The following LYPLAL1 variants were observed in gnomAD, a reference collection of about 807,000 sequenced individuals.
LYPLAL1 encodes the protein lysophospholipase like 1, also known as lysophospholipase-like protein 1.
In LYPLAL1, 23 loss-of-function variants were observed where a neutral mutation model predicts 19.7. The observed-to-expected ratio is 1.17, with a 90% confidence interval of 0.84 to 1.65. The LOEUF (loss-of-function observed/expected upper bound fraction) is 1.65. LYPLAL1 is among the 40% of genes most tolerant of loss of function. The pLI is 0.00. For synonymous variants in LYPLAL1, 119 were observed against 96.3 expected (o/e 1.24, Z -1.38); for missense variants, 355 against 279.4 (o/e 1.27, Z -1.93).
chr1:219,207,694 T>C (rs1658681410), intron 3 of LYPLAL1, among the ~76,000 whole-genome samples: 1 of 152,038 alleles, frequency 6.6e-6, no homozygotes, highest in Non-Finnish European at 1.5e-5. Context: ...AAGTTAAGTC[T>C]TTATGTCCCA....
the LYPLAL1 span, among the ~76,000 whole-genome samples, chr1:219,362,475 C>T: frequency 1.3e-5 from 2 of 152,036 alleles, no homozygotes; most frequent in East Asian, 1.9e-4. Flanking sequence ...AAGAACTCAA[C>T]GATTTCCAAG....
chr1:219,201,570 A>G (rs947044746), intron 3 of LYPLAL1, among the ~76,000 whole-genome samples: 19 of 151,842 alleles, frequency 1.3e-4, no homozygotes, highest in African/African-American at 4.3e-4. Flanking sequence ...TATTAATTTC[A>G]TATTATAATA....
chr1:219,405,590 A>T, the LYPLAL1 span, among the ~76,000 whole-genome samples: 1 of 152,328 alleles, frequency 6.6e-6, no homozygotes, highest in South Asian at 2.1e-4. Flanking sequence ...TAAAATTCTC[A>T]AAAAGTTTCC....
At chr1:219,445,408 TGGGG>T in the LYPLAL1 span, among the ~76,000 whole-genome samples, 1 of 55,694 alleles carries the variant, frequency 1.8e-5, no homozygotes, top group African/African-American at 7.7e-5. Flanking sequence ...TTATTCAAAT[TGGGG>T]GGGGGGCGGT....
At chr1:219,335,167 A>G in the LYPLAL1 span, among the ~76,000 whole-genome samples, 1 of 151,912 alleles carries the variant, frequency 6.6e-6, no homozygotes, top group Admixed American at 6.6e-5. Context: ...TAGGTCTCAT[A>G]TTTTGTTTTC....
chr1:219,366,502 G>A, the LYPLAL1 span, among the ~76,000 whole-genome samples: 1 of 152,298 alleles, frequency 6.6e-6, no homozygotes, highest in Non-Finnish European at 1.5e-5. Flanking sequence ...AACAGTTTCT[G>A]TTCCATCTGT....
the LYPLAL1 span, among the ~76,000 whole-genome samples, chr1:219,230,641 A>G: frequency 1.3e-5 from 2 of 152,244 alleles, no homozygotes; most frequent in Non-Finnish European, 2.9e-5. Flanking sequence ...ACAACCTCCT[A>G]TCCCCAAATA....
At chr1:219,395,238 C>T in the LYPLAL1 span, among the ~76,000 whole-genome samples, 2 of 152,212 alleles carry the variant, frequency 1.3e-5, no homozygotes, top group Non-Finnish European at 2.9e-5. Flanking sequence ...TACACTCTCA[C>T]TAACAGTCTA....
the LYPLAL1 span, among the ~76,000 whole-genome samples, chr1:219,353,960 A>G: frequency 4.6e-5 from 7 of 152,344 alleles, no homozygotes; most frequent in South Asian, 2.1e-4. Flanking sequence ...TGAAATAGAT[A>G]TTTGAAATTT....
At chr1:219,206,350 G>A (rs893612124) in intron 3 of LYPLAL1, among the ~76,000 whole-genome samples, 6 of 151,886 alleles carry the variant, frequency 4.0e-5, no homozygotes, top group South Asian at 2.1e-4. Flanking sequence ...TACTATTTTC[G>A]TATTTACTTA....
chr1:219,396,649 T>G, the LYPLAL1 span, among the ~76,000 whole-genome samples: 2 of 152,206 alleles, frequency 1.3e-5, no homozygotes, highest in African/African-American at 4.8e-5. Context: ...ATCTCCCTGG[T>G]TAACTGTATT....
At chr1:219,204,223 G>A (rs372462367) in intron 3 of LYPLAL1, among the ~76,000 whole-genome samples, 34 of 152,108 alleles carry the variant, frequency 2.2e-4, no homozygotes, top group African/African-American at 7.2e-4. Context: ...AGGGAAAACA[G>A]GCAATAGAAT....
chr1:219,289,000 T>TGG, the LYPLAL1 span, among the ~76,000 whole-genome samples: 1 of 151,914 alleles, frequency 6.6e-6, no homozygotes, highest in Admixed American at 6.6e-5. Context: ...TCTTAATACA[T>TGG]CTGGATGATA....
At chr1:219,274,615 ACCTCGTGATCCACACGCCTTGT>A in the LYPLAL1 span, among the ~76,000 whole-genome samples, 1 of 150,982 alleles carries the variant, frequency 6.6e-6, no homozygotes, top group Non-Finnish European at 1.5e-5. Context: ...CGAACTCCTG[ACCTCGTGATCCACACGCCTTGT>A]CCTCCTAAAG....
At chr1:219,261,165 T>C in the LYPLAL1 span, among the ~76,000 whole-genome samples, 1 of 152,178 alleles carries the variant, frequency 6.6e-6, no homozygotes, top group South Asian at 2.1e-4. Flanking sequence ...AACCTCACCA[T>C]AAAATGATAA....
chr1:219,362,326 T>G, the LYPLAL1 span, among the ~76,000 whole-genome samples: 4 of 152,164 alleles, frequency 2.6e-5, no homozygotes, highest in Non-Finnish European at 4.4e-5. Flanking sequence ...AAGACCCGTT[T>G]GCTCCTTTGT....
the LYPLAL1 span, among the ~76,000 whole-genome samples, chr1:219,282,472 T>C: frequency 1.0e-4 from 15 of 150,012 alleles, no homozygotes; most frequent in African/African-American, 3.5e-4. Context: ...TGTCTTCCCA[T>C]TGAAAGGACA....
chr1:219,229,359 AGAACCACGCAGAGCTTGG>A, the LYPLAL1 span, among the ~76,000 whole-genome samples: 5 of 150,032 alleles, frequency 3.3e-5, no homozygotes, highest in Admixed American at 3.3e-4. Context: ...ACCGAACAGC[AGAACCACGCAGAGCTTGG>A]CTGGGGCAAT....
chr1:219,355,418 T>A, the LYPLAL1 span, among the ~76,000 whole-genome samples: 1 of 151,878 alleles, frequency 6.6e-6, no homozygotes, highest in African/African-American at 2.4e-5. Flanking sequence ...ACAGAAGAGA[T>A]AAAGTAAATA....
Sources: allele counts gnomAD v4.1 joint callset (sites outside exome capture counted in the v4.1 genomes callset), GRCh38; gene constraint gnomAD v4.1.1; transcripts MANE v1.5; gene names NCBI Gene and HGNC (gene_info 2026-07-23, HGNC 2026-07-21).